The following EGF variants were observed in gnomAD, a reference collection of about 807,000 sequenced individuals.
EGF encodes the protein epidermal growth factor.
EGF carries 95 observed loss-of-function variants against 143.8 expected under a neutral mutation model. The ratio of observed to expected loss-of-function variants is 0.66; its 90% CI spans 0.56 to 0.78. The LOEUF is 0.78. Among genes scored for constraint, EGF ranks in the 30% least tolerant of loss-of-function variants. EGF has a pLI of 0.00. For synonymous variants in EGF, 510 were observed against 510.5 expected, an observed-to-expected ratio of 1.00 and a Z score of 0.01; for missense variants, 1,320 against 1,470.9, an observed-to-expected ratio of 0.90 and a Z score of 1.68.
At chr4:109,915,713 T>C (rs1038136467) in intron 1 of EGF, among the ~76,000 whole-genome samples, 19 of 152,244 alleles carry the variant, frequency 1.2e-4, no homozygotes, top group African/African-American at 4.6e-4. Flanking sequence ...ATTTAAATTC[T>C]ACTTGCCTTA....
At chr4:109,943,750 C>A in intron 3 of EGF, 92 bp from the exon 4 acceptor site, 1 of 1,075,576 alleles carries the variant, frequency 9.3e-7, no homozygotes, top group Non-Finnish European at 1.4e-6. Context: ...GTCAAACTTG[C>A]CCTGTGAAGG....
chr4:109,961,357 G>T (rs1458409132), intron 7 of EGF, among the ~76,000 whole-genome samples: 2 of 151,888 alleles, frequency 1.3e-5, no homozygotes, highest in African/African-American at 2.4e-5. Flanking sequence ...GTCTCAAAAA[G>T]CAAAACAAAA....
chr4:109,930,795 A>T (rs748034746), intron 1 of EGF, among the ~76,000 whole-genome samples: 1 of 152,218 alleles, frequency 6.6e-6, no homozygotes, highest in Non-Finnish European at 1.5e-5. Flanking sequence ...CTTGCTTTTC[A>T]TCACTGACCT....
At chr4:109,936,893 T>G (rs905558503) in intron 1 of EGF, among the ~76,000 whole-genome samples, 1 of 152,222 alleles carries the variant, frequency 6.6e-6, no homozygotes, top group Admixed American at 6.5e-5. Flanking sequence ...GATTGGACTG[T>G]GGTCTGAGAG....
chr4:110,012,153 G>A lies in EGF; in HGVS notation c.*698G>A, dbSNP rs923455093. ...TTTTCCCTCTTGGTGTGATTGCACA[G>A]AATTTGTATGTATTTTCAGTTACAA... is the stretch of plus-strand genomic sequence containing the variant. On this transcript the variant is annotated 3_prime_UTR_variant, in exon 24 of 24. Coordinates refer to ENST00000265171, the MANE Select transcript of EGF (RefSeq NM_001963.6). 2 of 152,130 alleles carry A rather than the reference G, an allele frequency of 1.3e-5. No homozygotes were observed. Among genetic ancestry groups the A allele is most frequent in the African/African-American group, 4.8e-5 (2 of 41,428 alleles). The allele number at this position is 152,130 out of a possible 1,614,324, so 9.4% of individuals were successfully genotyped here. A position where few individuals can be genotyped will look rare whatever the true frequency, so the allele number is the denominator to read the frequency against.
chr4:109,938,022 G>T (rs1741165190), intron 1 of EGF, among the ~76,000 whole-genome samples: 1 of 152,000 alleles, frequency 6.6e-6, no homozygotes. Context: ...GTATCTTTGG[G>T]GGTGTTCTCT....
rs754492820 is a variant in EGF at position 109,944,058 on chromosome 4, A to G, written c.726A>G (p.Lys242=). The G allele has an allele frequency of 2.9e-5, 46 of 1,613,866 alleles. No individual in the cohort carries two copies. The highest frequency in any genetic ancestry group is 3.7e-5 in the Non-Finnish European group (44 of 1,179,926). The change falls in exon 4 of 24, where the codon AAA becomes AAG. Residue 242 remains lysine, a synonymous_variant. Transcript: ENST00000265171. Reference sequence around the variant, plus strand: ...ATGGAGGTTCTGTCCACATTAGTAAACATCCAACACAGTAAGTTTTACTCT... The same window carrying G: ...ATGGAGGTTCTGTCCACATTAGTAAGCATCCAACACAGTAAGTTTTACTCT... ...DYDGGSVHIS[K]HPTQHNLFAM... is the part of the protein sequence containing the mutation.
At chr4:110,011,125 C>T (rs1753941372) in intron 23 of EGF, 77 bp from the exon 24 acceptor site, 2 of 1,543,770 alleles carry the variant, frequency 1.3e-6, no homozygotes, top group Middle Eastern at 1.8e-4. Context: ...GTTCTTCAAC[C>T]ACTACCGTTT....
chr4:109,919,308 TCTCTCTCTCTCTCTC>T (rs1560623070), intron 1 of EGF, among the ~76,000 whole-genome samples: 25 of 145,660 alleles, frequency 1.7e-4, no homozygotes, highest in African/African-American at 6.6e-4. Context: ...TCTCTCTCTC[TCTCTCTCTCTCTCTC>T]TCTCTCTCTC....
chr4:109,945,808 A>T (rs1369610711), intron 5 of EGF, among the ~76,000 whole-genome samples: 1 of 152,210 alleles, frequency 6.6e-6, no homozygotes, highest in Non-Finnish European at 1.5e-5. Context: ...TAAATGGCAG[A>T]TAAATGCTAG....
intron 5 of EGF, among the ~76,000 whole-genome samples, chr4:109,953,382 T>A (rs1277177029): frequency 6.6e-6 from 1 of 152,218 alleles, no homozygotes; most frequent in African/African-American, 2.4e-5. Context: ...ATTCTGTCAC[T>A]GTTTATGCAT....
At chr4:109,967,369 C>A (rs980510126) in intron 10 of EGF, among the ~76,000 whole-genome samples, 6 of 152,120 alleles carry the variant, frequency 3.9e-5, no homozygotes, top group Admixed American at 3.9e-4. Context: ...GACTTTAAAT[C>A]TGGGTTCTCT....
intron 21 of EGF, chr4:110,004,198 A>C: frequency 4.9e-6 from 2 of 406,470 alleles, no homozygotes; most frequent in Non-Finnish European, 9.2e-6. Context: ...ATTCCCCCCA[A>C]CATACATGGG....
chr4:109,989,521 A>G (rs1750639911), intron 18 of EGF, among the ~76,000 whole-genome samples: 2 of 152,248 alleles, frequency 1.3e-5, no homozygotes, highest in African/African-American at 4.8e-5. Flanking sequence ...AAGGTTAAAG[A>G]TGAAATATCA....
chr4:109,933,936 C>T (rs1020073067), intron 1 of EGF, among the ~76,000 whole-genome samples: 1 of 152,094 alleles, frequency 6.6e-6, no homozygotes, highest in Non-Finnish European at 1.5e-5. Context: ...GGGTATATAT[C>T]CAGTAATGGG....
chr4:109,936,530 T>C (rs928501825), intron 1 of EGF, among the ~76,000 whole-genome samples: 6 of 152,222 alleles, frequency 3.9e-5, no homozygotes, highest in South Asian at 2.1e-4. Flanking sequence ...GAGTTTTTCA[T>C]ATCTCTATCT....
At position 109,942,150 on chromosome 4, in the gene EGF, G is replaced by A. The variant is rs969409574; in HGVS notation, c.327+1005G>A. 4.6e-5 allele frequency among the ~76,000 whole-genome samples: 7 copies of A among 152,304 alleles called. No individual in the cohort carries two copies. In the South Asian group the frequency reaches 1.4e-3, roughly 32 times the overall value. On this transcript the variant is annotated intron_variant, in intron 2 of 23. Coordinates refer to ENST00000265171, the MANE Select transcript of EGF (RefSeq NM_001963.6). ...TGGTAGTATAGTTTCAAACTCTTGA[G>A]TCTAAGAATCTGAAGGGTTTCCTAT...
intron 20 of EGF, among the ~76,000 whole-genome samples, chr4:109,997,659 C>T (rs1480476399): frequency 1.3e-5 from 2 of 152,090 alleles, no homozygotes; most frequent in Non-Finnish European, 2.9e-5. Flanking sequence ...ACCGTGTTAG[C>T]CAGGATGGTC....
intron 1 of EGF, among the ~76,000 whole-genome samples, chr4:109,940,495 G>A (rs903169377): frequency 3.3e-5 from 5 of 152,132 alleles, no homozygotes; most frequent in African/African-American, 1.2e-4. Context: ...TCGTCTTCTA[G>A]GTCATTATGC....
Sources: gnomAD v4.1 joint callset for allele counts (sites outside exome capture counted in the v4.1 genomes callset) on GRCh38, gnomAD v4.1.1 for gene constraint, MANE v1.5 for transcripts, NCBI Gene and HGNC (gene_info 2026-07-23, HGNC 2026-07-21) for gene names.